Variants in ARHGAP10 observed in about 807,000 individuals in gnomAD.
ARHGAP10 encodes rho GTPase-activating protein 10.
A neutral mutation model predicts 108.6 loss-of-function variants in ARHGAP10; 87 were observed. That is an observed-to-expected ratio of 0.80 (90% CI 0.67 to 0.96). The LOEUF is 0.96. Ranked by LOEUF, ARHGAP10 falls within the 40% of genes least tolerant of loss-of-function variation. The pLI is 0.00. For missense variants in ARHGAP10, 939 were observed against 954.5 expected (o/e 0.98, Z 0.21); for synonymous variants, 347 against 341.1 (o/e 1.02, Z -0.19).
chr4:147,956,849 A>G (rs1738806637), intron 16 of ARHGAP10, among the ~76,000 whole-genome samples: 1 of 151,366 alleles, frequency 6.6e-6, no homozygotes, highest in Admixed American at 6.6e-5. Flanking sequence ...AATCATTAGT[A>G]TTATTACGCC....
chr4:147,835,247 GT>G (rs1044440117), intron 3 of ARHGAP10, among the ~76,000 whole-genome samples: 2 of 152,114 alleles, frequency 1.3e-5, no homozygotes, highest in African/African-American at 4.8e-5. Flanking sequence ...TGCAGCCCTT[GT>G]TTTTTACTGT....
intron 1 of ARHGAP10, among the ~76,000 whole-genome samples, chr4:147,819,097 C>G (rs912759407): frequency 2.0e-5 from 3 of 152,204 alleles, no homozygotes; most frequent in Non-Finnish European, 4.4e-5. Context: ...TAATCTGTTA[C>G]AAACATTTTC....
chr4:147,965,194 G>A lies in ARHGAP10; in HGVS notation c.1556+65G>A, dbSNP rs149333806. 3.5e-5 allele frequency: 45 copies of A among 1,268,426 alleles called. No homozygotes were observed. In the East Asian group the frequency reaches 8.6e-4, roughly 24 times the overall value. The allele number at this position is 1,268,426 out of a possible 1,614,324, so 78.6% of individuals were successfully genotyped here. A position where few individuals can be genotyped will look rare whatever the true frequency, so the allele number is the denominator to read the frequency against. ...CTCTAGGTGCTGGGTAGTGCTCTGG[G>A]ATTTGTGACGGGTGGAACTGGGGAC... On this transcript the variant is annotated intron_variant, in intron 17 of 22. Transcript: ENST00000336498.
chr4:147,902,454 G>A (rs1025907093), intron 10 of ARHGAP10, among the ~76,000 whole-genome samples: 7 of 152,300 alleles, frequency 4.6e-5, no homozygotes, highest in East Asian at 3.9e-4. Flanking sequence ...GAGGCCGGGC[G>A]CAGTGGCTCA....
At chr4:147,930,999 G>A (rs183524030) in intron 13 of ARHGAP10, among the ~76,000 whole-genome samples, 2 of 152,314 alleles carry the variant, frequency 1.3e-5, no homozygotes, top group Non-Finnish European at 2.9e-5. Flanking sequence ...TTCTGGAGCT[G>A]TGTGGTCTCT....
intron 13 of ARHGAP10, among the ~76,000 whole-genome samples, chr4:147,925,367 G>C (rs1737423201): frequency 6.6e-6 from 1 of 152,196 alleles, no homozygotes; most frequent in South Asian, 2.1e-4. Flanking sequence ...CTCTGCAGCA[G>C]AGGAATGAAA....
intron 1 of ARHGAP10, among the ~76,000 whole-genome samples, chr4:147,815,936 A>G (rs1732224574): frequency 1.3e-5 from 2 of 152,200 alleles, no homozygotes; most frequent in Non-Finnish European, 2.9e-5. Flanking sequence ...CTGTTAGATA[A>G]TAAGTTAGCG....
chr4:148,031,294 A>G (rs1464197159), intron 19 of ARHGAP10, among the ~76,000 whole-genome samples: 2 of 152,244 alleles, frequency 1.3e-5, no homozygotes, highest in East Asian at 1.9e-4. Flanking sequence ...CAAAATTCAG[A>G]GAGTAATAAC....
intron 3 of ARHGAP10, among the ~76,000 whole-genome samples, chr4:147,826,613 G>A (rs1283868911): frequency 1.3e-5 from 2 of 152,154 alleles, no homozygotes; most frequent in Non-Finnish European, 2.9e-5. Flanking sequence ...AAAGTCGAGA[G>A]AAATATACAA....
chr4:147,875,234 C>T, intron 8 of ARHGAP10, 84 bp downstream of exon 8: 5 of 1,387,716 alleles, frequency 3.6e-6, no homozygotes, highest in Middle Eastern at 1.9e-4. Flanking sequence ...ATTACTGTGA[C>T]ATTTTGGGCA....
chr4:147,895,070 A>G (rs1735933700), intron 10 of ARHGAP10, among the ~76,000 whole-genome samples: 1 of 151,788 alleles, frequency 6.6e-6, no homozygotes, highest in African/African-American at 2.4e-5. Flanking sequence ...TGAATATAGA[A>G]CCTTACAGTT....
At chr4:147,980,859 A>T (rs181084252) in intron 18 of ARHGAP10, among the ~76,000 whole-genome samples, 1 of 151,894 alleles carries the variant, frequency 6.6e-6, no homozygotes, top group Non-Finnish European at 1.5e-5. Context: ...GTCTCTGGAG[A>T]TCTTTTCTAT....
chr4:147,976,515 A>G (rs995716000), intron 18 of ARHGAP10, among the ~76,000 whole-genome samples: 1 of 150,068 alleles, frequency 6.7e-6, no homozygotes, highest in African/African-American at 2.5e-5. Context: ...TGGCATTGCT[A>G]TGAAAACTTT....
At chr4:147,811,461 C>T (rs1423862718) in intron 1 of ARHGAP10, among the ~76,000 whole-genome samples, 1 of 152,150 alleles carries the variant, frequency 6.6e-6, no homozygotes, top group Non-Finnish European at 1.5e-5. Flanking sequence ...GTAAGCATGG[C>T]CACATTATCC....
At chr4:148,048,344 A>G (rs1275914302) in intron 20 of ARHGAP10, among the ~76,000 whole-genome samples, 2 of 152,214 alleles carry the variant, frequency 1.3e-5, no homozygotes, top group African/African-American at 4.8e-5. Flanking sequence ...TGGTATGCCA[A>G]AATTTGGGGG....
At chr4:147,836,678 T>C (rs569860681) in intron 3 of ARHGAP10, among the ~76,000 whole-genome samples, 2 of 152,332 alleles carry the variant, frequency 1.3e-5, no homozygotes, top group South Asian at 4.1e-4. Context: ...AGCTAGTACT[T>C]AGCTAATGAG....
Position 147,781,681 on chromosome 4 carries a change from CT to C in ARHGAP10, c.155-41030del, listed in dbSNP as rs56781517. On this transcript the variant is annotated intron_variant, in intron 1 of 22. Coordinates refer to ENST00000336498, the MANE Select transcript of ARHGAP10 (RefSeq NM_024605.4). ...TTCTTTCATTTTTTTCTTTTCTTTT[CT>C]TTTTTTTTTTTTTTTGAGACAGTCT... Among the ~76,000 whole-genome samples, 994 of 130,534 alleles carry C rather than the reference CT, an allele frequency of 7.6e-3. 5 individuals carry two copies. The highest frequency in any genetic ancestry group is 0.013 in the Non-Finnish European group (788 of 60,970). The allele number at this position is 130,534 out of a possible 152,430, so 85.6% of individuals were successfully genotyped here. A position where few individuals can be genotyped will look rare whatever the true frequency, so the allele number is the denominator to read the frequency against.
At chr4:147,941,750 T>A (rs1260276272) in intron 14 of ARHGAP10, among the ~76,000 whole-genome samples, 1 of 152,246 alleles carries the variant, frequency 6.6e-6, no homozygotes, top group African/African-American at 2.4e-5. Flanking sequence ...TCAAAAACTT[T>A]GGATTTTCAT....
chr4:147,955,578 A>T (rs568406634), intron 16 of ARHGAP10, among the ~76,000 whole-genome samples: 8 of 152,122 alleles, frequency 5.3e-5, no homozygotes, highest in African/African-American at 1.9e-4. Flanking sequence ...ACATACATTA[A>T]TTATTTCCTA....
Sources: gnomAD v4.1 joint callset for allele counts (sites outside exome capture counted in the v4.1 genomes callset) on GRCh38, gnomAD v4.1.1 for gene constraint, MANE v1.5 for transcripts, NCBI Gene and HGNC (gene_info 2026-07-23, HGNC 2026-07-21) for gene names.